The following DDX1 variants were observed in gnomAD, a reference collection of about 807,000 sequenced individuals.
DDX1 encodes DEAD-box helicase 1, also known as ATP-dependent RNA helicase DDX1.
DDX1 carries 28 observed loss-of-function variants against 108.7 expected under a neutral mutation model. The ratio of observed to expected loss-of-function variants is 0.26; its 90% confidence interval spans 0.19 to 0.35. The LOEUF (loss-of-function observed/expected upper bound fraction) is 0.35. DDX1 is among the 10% of genes least tolerant of loss of function. The probability of loss-of-function intolerance (pLI) is 1.00; values close to 1 mark genes in which losing one functional copy is unlikely to be tolerated. For missense variants in DDX1, 710 were observed against 884.5 expected (o/e 0.80, Z 2.50); for synonymous variants, 295 against 288.9 (o/e 1.02, Z -0.21).
At chr2:15,622,407 G>A (rs1666029466) in intron 18 of DDX1, among the ~76,000 whole-genome samples, 2 of 152,158 alleles carry the variant, frequency 1.3e-5, no homozygotes, top group African/African-American at 2.4e-5. Flanking sequence ...GTTAAATAGT[G>A]TTTTGAAAAT....
At chr2:15,629,009 G>A (rs1666146875) in intron 23 of DDX1, among the ~76,000 whole-genome samples, 170 bp downstream of exon 23, 4 of 152,088 alleles carry the variant, frequency 2.6e-5, no homozygotes, top group Admixed American at 2.6e-4. Flanking sequence ...ACAAATAATA[G>A]GGTGAAATTT....
chr2:15,610,529 A>G (rs893778943), intron 13 of DDX1, among the ~76,000 whole-genome samples: 2 of 152,108 alleles, frequency 1.3e-5, no homozygotes, highest in Non-Finnish European at 2.9e-5. Flanking sequence ...GAAATGAGAA[A>G]CATTCAAACA....
chr2:15,620,478 A>G, intron 17 of DDX1, 82 bp downstream of exon 17: 1 of 1,037,024 alleles, frequency 9.6e-7, no homozygotes, highest in Non-Finnish European at 1.4e-6. Flanking sequence ...AGTGATGCTT[A>G]AGGCAATCAG....
At chr2:15,616,899 C>A (rs945486346) in intron 14 of DDX1, among the ~76,000 whole-genome samples, 2 of 152,134 alleles carry the variant, frequency 1.3e-5, no homozygotes, top group African/African-American at 4.8e-5. Flanking sequence ...ATTAAGGTCA[C>A]AGAGCAGAGT....
intron 8 of DDX1, 81 bp downstream of exon 8, chr2:15,603,356 A>C (rs1336421727): frequency 5.2e-6 from 5 of 963,332 alleles, no homozygotes; most frequent in East Asian, 2.5e-5. Context: ...CAAAATAATA[A>C]ATTTAACCAT....
rs539088508 is a variant in DDX1 at position 15,628,873 on chromosome 2, G to A, written c.1875+34G>A. On this transcript the variant is annotated intron_variant, in intron 23 of 25. Coordinates refer to ENST00000233084, the MANE Select transcript of DDX1 (RefSeq NM_004939.3). ...TGTAGGGCTCTATTATATTCATTGT[G>A]TGTGTTGTGATTTTAGATGTTGGAA... 3.8e-6 allele frequency: 6 copies of A among 1,584,446 alleles called. No homozygotes were observed. The Admixed American group carries it at 8.4e-5, about 22-fold the overall frequency.
At position 15,623,453 on chromosome 2, in the gene DDX1, A is replaced by C. The variant is rs1426536129; in HGVS notation, c.1465A>C (p.Ile489Leu). The C allele has an allele frequency of 2.5e-6, 4 of 1,613,542 alleles. No individual in the cohort carries two copies. Among genetic ancestry groups the C allele is most frequent in the Non-Finnish European group, 3.4e-6 (4 of 1,179,664 alleles). ...ANSPEMWSEA[I>L]KILKGEYAVR... is the part of the protein sequence containing the mutation. The stretch of plus-strand genomic sequence containing the variant: ...TATTCAAGAGATGTGGTCTGAAGCT[A>C]TTAAAATCCTGAAAGGGGAGTATGC... Residue 489 changes from isoleucine (I) to leucine (L), a missense_variant, in exon 19 of 26, where the codon ATT becomes CTT. Physicochemically the swap from Ile to Leu is conservative, Grantham distance 5. Transcript: ENST00000233084.
chr2:15,614,627 C>T (rs940365229), intron 14 of DDX1, among the ~76,000 whole-genome samples: 19 of 152,166 alleles, frequency 1.2e-4, no homozygotes, highest in African/African-American at 3.9e-4. Context: ...AGTTTCGGCC[C>T]GTTTTCCTCT....
chr2:15,620,053 C>T (rs1665970178), intron 16 of DDX1, among the ~76,000 whole-genome samples, 155 bp from the exon 17 acceptor site: 1 of 152,124 alleles, frequency 6.6e-6, no homozygotes, highest in South Asian at 2.1e-4. Context: ...TTAACCTGCC[C>T]AAAGTCATAA....
At chr2:15,629,317 G>A (rs1666154082) in intron 23 of DDX1, among the ~76,000 whole-genome samples, 1 of 151,974 alleles carries the variant, frequency 6.6e-6, no homozygotes, top group Admixed American at 6.5e-5. Context: ...GACATAGTAT[G>A]CTTCAATATT....
At chr2:15,592,069 T>A in intron 1 of DDX1, 120 bp downstream of exon 1, 1 of 973,532 alleles carries the variant, frequency 1.0e-6, no homozygotes, top group Middle Eastern at 2.7e-4. Context: ...AGAAGGGCGC[T>A]GTCCGCTGCA....
At position 15,628,250 on chromosome 2, in the gene DDX1, C is replaced by CTTT. The variant is rs1458328093; in HGVS notation, c.1687-193_1687-192insTTT. Among the ~76,000 whole-genome samples the CTTT allele has an allele frequency of 2.0e-5, 3 of 152,054 alleles. No homozygotes were observed. The East Asian group carries it at 5.8e-4, about 29-fold the overall frequency. ...TGAACCCAATCTCTGATTTAATCAC[C>CTTT]TTAAATGTCATGTTTCAGCAGATCA... On this transcript the variant is annotated intron_variant, in intron 20 of 25. Transcript: ENST00000233084.
Position 15,620,384 on chromosome 2 carries a change from G to C in DDX1, c.1383G>C (p.Lys461Asn). The C allele has an allele frequency of 6.2e-7, 1 of 1,611,452 alleles. No homozygotes were observed. The change falls in exon 17 of 26, where the codon AAG becomes AAC. Residue 461 changes from lysine (K) to asparagine (N), a missense_variant. Physicochemically the swap from Lys to Asn is moderately conservative, Grantham distance 94. Coordinates refer to ENST00000233084, the MANE Select transcript of DDX1 (RefSeq NM_004939.3). ...KTDRLWERLG[K>N]SHIRTDDVHA... ...ACAGACTCTGGGAAAGGCTTGGAAA[G>C]AGCCACATTAGAGTAAGTGGTTTAT...
chr2:15,600,740 C>CTTT (rs1157559293), intron 6 of DDX1, among the ~76,000 whole-genome samples: 10 of 73,536 alleles, frequency 1.4e-4, no homozygotes, highest in East Asian at 4.8e-4. Flanking sequence ...TTTGCATTTT[C>CTTT]TTTTTTTTTT....
intron 16 of DDX1, among the ~76,000 whole-genome samples, chr2:15,618,622 C>T (rs887056765): frequency 7.2e-5 from 11 of 152,228 alleles, no homozygotes; most frequent in East Asian, 1.9e-4. Context: ...GGCCAGGCCC[C>T]GAGGCTTCAG....
In DDX1 at chr2:15,621,074, G is replaced by A. The variant is rs767762546; in HGVS notation, c.1405G>A (p.Val469Ile). 4.5e-5 allele frequency: 72 copies of A among 1,607,586 alleles called. No homozygotes were observed. Among genetic ancestry groups the A allele is most frequent in the Non-Finnish European group, 5.9e-5 (69 of 1,175,140 alleles). Residue 469 changes from valine (V) to isoleucine (I), a missense_variant, in exon 18 of 26, where the codon GTA becomes ATA. This residue lies in a region of DDX1 where 661 missense variants were observed against 810.2 expected (regional missense o/e 0.82). Coordinates refer to ENST00000233084, the MANE Select transcript of DDX1 (RefSeq NM_004939.3). ...LGKSHIRTDD[V>I]HAKDNTRPGA... Reference sequence around the variant, plus strand: ...TCCTTGCTTTTGATAGACTGATGATGTACATGCAAAAGATAACACAAGACC... The same window carrying A: ...TCCTTGCTTTTGATAGACTGATGATATACATGCAAAAGATAACACAAGACC...
chr2:15,605,299 A>G (rs1665645050), intron 10 of DDX1, among the ~76,000 whole-genome samples: 1 of 152,024 alleles, frequency 6.6e-6, no homozygotes, highest in South Asian at 2.1e-4. Flanking sequence ...GGGGTCAGCA[A>G]ATTGAGGAGA....
At chr2:15,615,047 C>A (rs918600272) in intron 14 of DDX1, among the ~76,000 whole-genome samples, 1 of 152,156 alleles carries the variant, frequency 6.6e-6, no homozygotes, top group African/African-American at 2.4e-5. Context: ...CAATTCTACT[C>A]TACTTCTTAG....
intron 25 of DDX1, among the ~76,000 whole-genome samples, chr2:15,630,484 C>T (rs540793333): frequency 6.6e-6 from 1 of 152,326 alleles, no homozygotes; most frequent in South Asian, 2.1e-4. Flanking sequence ...GCCTGGGATG[C>T]CCTTTTGTTA....
Sources: gnomAD v4.1 joint callset for allele counts (sites outside exome capture counted in the v4.1 genomes callset) on GRCh38, gnomAD v4.1.1 for gene constraint, gnomAD v4.1.1 regional missense constraint, MANE v1.5 for transcripts, NCBI Gene and HGNC (gene_info 2026-07-23, HGNC 2026-07-21) for gene names.